Variants in TRIM15 observed in about 807,000 individuals in gnomAD.
The protein encoded by TRIM15 is E3 ubiquitin-protein ligase TRIM15.
In TRIM15, 35 loss-of-function variants were observed where a neutral mutation model predicts 35.8. That is an observed-to-expected ratio of 0.98 (90% confidence interval 0.75 to 1.30). The LOEUF is 1.30. Ranked by LOEUF, TRIM15 falls within the 50% of genes most tolerant of loss-of-function variation. TRIM15 has a pLI of 0.00. For missense variants in TRIM15, 590 were observed against 593.5 expected (o/e 0.99, Z 0.06); for synonymous variants, 252 against 249.8 (o/e 1.01, Z -0.08).
rs372226825 is a variant in TRIM15 at position 30,163,816 on chromosome 6, C to G, written c.132C>G (p.Ser44=). Residue 44 remains serine (S), a synonymous_variant, in exon 1 of 7, where the codon TCC becomes TCG. Coordinates refer to ENST00000376694, the MANE Select transcript of TRIM15 (RefSeq NM_033229.3). ...TFCRLCLPAL[S]QMGAQSSGKI... The stretch of plus-strand genomic sequence containing the variant: ...GCCGGCTCTGCCTCCCCGCGCTCTC[C>G]CAGATGGGGGCCCAATCCTCGGGCA... 2 of 1,612,942 alleles carry G rather than the reference C, an allele frequency of 1.2e-6. No homozygotes were observed. Among genetic ancestry groups the G allele is most frequent in the African/African-American group, 2.7e-5 (2 of 74,924 alleles).
At chr6:30,168,211 C>T in intron 2 of TRIM15, 89 bp from the exon 3 acceptor site, 1 of 1,159,364 alleles carries the variant, frequency 8.6e-7, no homozygotes, top group Non-Finnish European at 1.2e-6. Context: ...CTCCCTATCC[C>T]TGTTAATCAA....
chr6:30,171,082 A>G, intron 6 of TRIM15, 74 bp downstream of exon 6: 4 of 1,501,498 alleles, frequency 2.7e-6, no homozygotes, highest in Non-Finnish European at 3.6e-6. Context: ...AGAGCAATAA[A>G]ATGCATGAAT....
chr6:30,163,946 G>A lies in TRIM15; in HGVS notation c.262G>A (p.Glu88Lys), dbSNP rs778243815. The A allele has an allele frequency of 8.9e-5, 143 of 1,612,994 alleles. No individual in the cohort carries two copies. The highest frequency in any genetic ancestry group is 1.7e-4 in the Admixed American group (10 of 60,016). ...AGAAACTTACTGCGAGGAGCACGGCGAGAAGATCTACTTCTTCTGCGAGAA... is the reference window on the plus strand; with the variant it reads ...AGAAACTTACTGCGAGGAGCACGGCAAGAAGATCTACTTCTTCTGCGAGAA... ...LGETYCEEHGEKIYFFCENDA... is the reference protein window; with the variant it reads ...LGETYCEEHGKKIYFFCENDA... The change falls in exon 1 of 7, where the codon GAG becomes AAG. Residue 88 changes from glutamate (E) to lysine (K), a missense_variant. Coordinates refer to ENST00000376694, the MANE Select transcript of TRIM15 (RefSeq NM_033229.3).
At chr6:30,171,369 A>C (rs1774005934) in intron 6 of TRIM15, among the ~76,000 whole-genome samples, 1 of 152,172 alleles carries the variant, frequency 6.6e-6, no homozygotes, top group Non-Finnish European at 1.5e-5. Context: ...GTTTTTTGAG[A>C]GCATTGTGCT....
Position 30,168,314 on chromosome 6 carries a change from C to T in TRIM15, c.492C>T (p.Ser164=), listed in dbSNP as rs1773754970. 6.2e-7 allele frequency: 1 copy of T among 1,612,676 alleles called. No homozygotes were observed. Among genetic ancestry groups the T allele is most frequent in the Admixed American group, 1.7e-5 (1 of 60,002 alleles). The change falls in exon 3 of 7, where the codon AGC becomes AGT. Residue 164 remains serine, a synonymous_variant. Transcript: ENST00000376694. ...KLQVLLTQIE[S]KKHQVETAFE... Reference sequence around the variant, plus strand: ...ATCCCTTGAAGACTCAGATCGAAAGCAAGAAGCATCAGGTGGAAACAGCTT... The same window carrying T: ...ATCCCTTGAAGACTCAGATCGAAAGTAAGAAGCATCAGGTGGAAACAGCTT...
intron 4 of TRIM15, 112 bp from the exon 5 acceptor site, chr6:30,170,389 A>T: frequency 1.5e-6 from 1 of 647,296 alleles, no homozygotes; most frequent in South Asian, 1.9e-5. Context: ...CAATTTCATT[A>T]TTCACCACAG....
chr6:30,166,593 T>C (rs993133335), intron 1 of TRIM15, among the ~76,000 whole-genome samples: 1 of 152,156 alleles, frequency 6.6e-6, no homozygotes, highest in African/African-American at 2.4e-5. Flanking sequence ...GTGGGCTCTT[T>C]ATTGGTTCCA....
Position 30,163,731 on chromosome 6 carries a change from G to T in TRIM15, c.47G>T (p.Cys16Phe), listed in dbSNP as rs1474075497. 1 of 1,612,870 alleles carries T rather than the reference G, an allele frequency of 6.2e-7. No individual in the cohort carries two copies. The highest frequency in any genetic ancestry group is 8.5e-7 in the Non-Finnish European group (1 of 1,179,992). Reference protein sequence around the residue: ...SLKVVHELPACTLCAGPLEDA... With the variant: ...SLKVVHELPAFTLCAGPLEDA... ...AAGGTGGTCCATGAGCTGCCTGCCT[G>T]TACCCTCTGTGCGGGGCCGCTGGAG... Residue 16 changes from cysteine (C) to phenylalanine (F), a missense_variant, in exon 1 of 7, where the codon TGT becomes TTT. Coordinates refer to ENST00000376694, the MANE Select transcript of TRIM15 (RefSeq NM_033229.3).
intron 6 of TRIM15, 80 bp downstream of exon 6, chr6:30,171,088 T>G: frequency 6.7e-7 from 1 of 1,483,956 alleles, no homozygotes; most frequent in South Asian, 1.3e-5. Context: ...ATAAAATGCA[T>G]GAATTCTGGA....
In TRIM15 at chr6:30,172,663, T is replaced by C; in HGVS notation, c.*314T>C. ...TTCGGGGAAAAAAAAGAAAAAGACA[T>C]CTAAAATAAAATGTTTAAACTGTTT... On this transcript the variant is annotated 3_prime_UTR_variant, in exon 7 of 7. Transcript: ENST00000376694. The C allele has an allele frequency of 6.8e-6, 4 of 590,692 alleles. No homozygotes were observed. Among genetic ancestry groups the C allele is most frequent in the Non-Finnish European group, 1.2e-5 (4 of 324,772 alleles). The allele number at this position is 590,692 out of a possible 1,614,324, so 36.6% of individuals were successfully genotyped here.
Position 30,163,886 on chromosome 6 carries a change from A to G in TRIM15, c.202A>G (p.Thr68Ala). 6.2e-7 allele frequency: 1 copy of G among 1,612,856 alleles called. No homozygotes were observed. The highest frequency in any genetic ancestry group is 8.5e-7 in the Non-Finnish European group (1 of 1,179,980). ...CTGCCAAGAGGAGGAGCAGGCAGAG[A>G]CTCCCATGGCCCCTGTGCCCCTGGG... ...PLCQEEEQAETPMAPVPLGPL... is the reference protein window; with the variant it reads ...PLCQEEEQAEAPMAPVPLGPL... The change falls in exon 1 of 7, where the codon ACT becomes GCT. Residue 68 changes from threonine to alanine, a missense_variant. Coordinates refer to ENST00000376694, the MANE Select transcript of TRIM15 (RefSeq NM_033229.3).
In TRIM15 at chr6:30,163,608, G is replaced by C. The variant is rs552309313; in HGVS notation, c.-77G>C. 119 of 1,502,894 alleles carry C rather than the reference G, an allele frequency of 7.9e-5. No individual in the cohort carries two copies. In the South Asian group the frequency reaches 8.6e-4, roughly 11 times the overall value. 93.1% of individuals were successfully genotyped at this position (1,502,894 alleles called of 1,614,324 possible). A position where few individuals can be genotyped will look rare whatever the true frequency, so the allele number is the denominator to read the frequency against. ...CCGTTTCCCTCTGCGATTCATGTAA[G>C]TGTGACTCGATTTCAGGGAAAGGGA... On this transcript the variant is annotated 5_prime_UTR_variant, in exon 1 of 7. Coordinates refer to ENST00000376694, the MANE Select transcript of TRIM15 (RefSeq NM_033229.3).
At position 30,171,961 on chromosome 6, in the gene TRIM15, C is replaced by A. The variant is rs1413533948; in HGVS notation, c.1010C>A (p.Ala337Glu). The A allele has an allele frequency of 6.3e-7, 1 of 1,592,844 alleles. No homozygotes were observed. The change falls in exon 7 of 7, where the codon GCG (alanine) becomes GAG (glutamate). Residue 337 changes from alanine (A) to glutamate (E), a missense_variant. Transcript: ENST00000376694. ...DSPLRFDGLP[A>E]VLGFPGFSSG... Reference sequence around the variant, plus strand: ...CCCCTGCGCTTCGACGGCCTCCCGGCGGTTCTGGGCTTCCCGGGCTTCTCC... The same window carrying A: ...CCCCTGCGCTTCGACGGCCTCCCGGAGGTTCTGGGCTTCCCGGGCTTCTCC...
intron 1 of TRIM15, 30 bp downstream of exon 1, chr6:30,164,095 T>C: frequency 1.3e-6 from 2 of 1,589,278 alleles, no homozygotes; most frequent in Non-Finnish European, 1.7e-6. Flanking sequence ...CTAGGGCCTG[T>C]TTGGGGCAGG....
In TRIM15 at chr6:30,163,571, T is replaced by TCTCTCTC; in HGVS notation, c.-114_-113insCTCTCTC. The TCTCTCTC allele has an allele frequency of 6.9e-6, 9 of 1,313,076 alleles. No homozygotes were observed. The highest frequency in any genetic ancestry group is 9.3e-6 in the Non-Finnish European group (9 of 972,366). 81.3% of individuals were successfully genotyped at this position (1,313,076 alleles called of 1,614,324 possible). ...CTCTCTCTTTCTCTCTCTCTGTCTC[T>TCTCTCTC]TAGCCTTGCAGCCGTTTCCCTCTGC... On this transcript the variant is annotated 5_prime_UTR_variant, in exon 1 of 7. Coordinates refer to ENST00000376694, the MANE Select transcript of TRIM15 (RefSeq NM_033229.3).
rs1314801180 is a variant in TRIM15, at chr6:30,163,773, C to A, written c.89C>A (p.Pro30His). 1.9e-6 allele frequency: 3 copies of A among 1,612,894 alleles called. No individual in the cohort carries two copies. Among genetic ancestry groups the A allele is most frequent in the Non-Finnish European group, 2.5e-6 (3 of 1,180,030 alleles). ...CCGCTGGAGGATGCGGTGACCATTC[C>A]CTGTGGACACACCTTCTGCCGGCTC... ...AGPLEDAVTIPCGHTFCRLCL... is the reference protein window; with the variant it reads ...AGPLEDAVTIHCGHTFCRLCL... Residue 30 changes from proline (P) to histidine (H), a missense_variant, in exon 1 of 7, where the codon CCC becomes CAC. Pro to His is a moderately conservative substitution (Grantham distance 77, BLOSUM62 -2). Coordinates refer to ENST00000376694, the MANE Select transcript of TRIM15 (RefSeq NM_033229.3).
Position 30,172,602 on chromosome 6 carries a change from G to A in TRIM15, c.*253G>A. On this transcript the variant is annotated 3_prime_UTR_variant, in exon 7 of 7. Coordinates refer to ENST00000376694, the MANE Select transcript of TRIM15 (RefSeq NM_033229.3). ...CAGAACCACAGACGGCTTCGGCTGT[G>A]CCTAGGGCAACAGCCAACCTAGGAG... 1 of 704,608 alleles carries A rather than the reference G, an allele frequency of 1.4e-6. No individual in the cohort carries two copies. Among genetic ancestry groups the A allele is most frequent in the Non-Finnish European group, 2.6e-6 (1 of 390,896 alleles). The allele number at this position is 704,608 out of a possible 1,614,324, so 43.6% of individuals were successfully genotyped here.
At chr6:30,170,801 A>G (rs1049534194) in intron 5 of TRIM15, among the ~76,000 whole-genome samples, 175 bp from the exon 6 acceptor site, 1 of 152,124 alleles carries the variant, frequency 6.6e-6, no homozygotes, top group Non-Finnish European at 1.5e-5. Flanking sequence ...CTCCCTAAGG[A>G]CAGGTGCAGG....
At chr6:30,168,727 G>C in intron 3 of TRIM15, 197 bp downstream of exon 3, 1 of 626,762 alleles carries the variant, frequency 1.6e-6, no homozygotes, top group Non-Finnish European at 2.8e-6. Flanking sequence ...GACAGTCTTG[G>C]ATTTGAATGT....
Sources: gnomAD v4.1 joint callset for allele counts (sites outside exome capture counted in the v4.1 genomes callset) on GRCh38, gnomAD v4.1.1 for gene constraint, MANE v1.5 for transcripts, NCBI Gene and HGNC (gene_info 2026-07-23, HGNC 2026-07-21) for gene names.